Variants in ABHD12 observed in about 807,000 individuals in gnomAD.
ABHD12 encodes the protein abhydrolase domain containing 12, lysophospholipase, also known as lysophosphatidylserine lipase ABHD12.
ABHD12 carries 43 observed loss-of-function variants against 58.3 expected under a neutral mutation model. That is an observed-to-expected ratio of 0.74 (90% CI 0.58 to 0.95). The LOEUF is 0.95. Among genes scored for constraint, ABHD12 ranks in the 40% least tolerant of loss-of-function variants. The probability of loss-of-function intolerance (pLI) is 0.00; values close to 1 mark genes in which losing one functional copy is unlikely to be tolerated. For missense variants in ABHD12, 539 were observed against 537.2 expected (o/e 1.00, Z -0.03); for synonymous variants, 219 against 211.2 (o/e 1.04, Z -0.32).
chr20:25,360,194 C>T (rs974570008), intron 1 of ABHD12, among the ~76,000 whole-genome samples: 5 of 130,472 alleles, frequency 3.8e-5, no homozygotes, highest in Non-Finnish European at 4.8e-5. Context: ...AGCAATTCTT[C>T]ACTGTGTTTA....
intron 3 of ABHD12, among the ~76,000 whole-genome samples, chr20:25,323,046 T>C (rs1439304569): frequency 1.3e-5 from 2 of 152,228 alleles, no homozygotes; most frequent in Non-Finnish European, 1.5e-5. Flanking sequence ...TCTAGCTTCT[T>C]TGTTTGCTTT....
chr20:25,365,082 G>C (rs2089801291), intron 1 of ABHD12, among the ~76,000 whole-genome samples: 1 of 152,180 alleles, frequency 6.6e-6, no homozygotes, highest in South Asian at 2.1e-4. Context: ...GCTGGCTGCT[G>C]GTACAGCACC....
At chr20:25,382,892 A>G (rs1473216917) in intron 1 of ABHD12, among the ~76,000 whole-genome samples, 1 of 152,156 alleles carries the variant, frequency 6.6e-6, no homozygotes, top group Non-Finnish European at 1.5e-5. Flanking sequence ...GGAGTGCAGC[A>G]TTGATAAGGT....
At chr20:25,358,929 A>T (rs1329403545) in intron 1 of ABHD12, among the ~76,000 whole-genome samples, 1 of 152,196 alleles carries the variant, frequency 6.6e-6, no homozygotes, top group Non-Finnish European at 1.5e-5. Flanking sequence ...ATCATATGTG[A>T]AAATGCAAAA....
chr20:25,346,745 C>T (rs1160922875), intron 1 of ABHD12, among the ~76,000 whole-genome samples: 1 of 106,380 alleles, frequency 9.4e-6, no homozygotes, highest in Non-Finnish European at 2.1e-5. Context: ...CCTGGGTTCA[C>T]ACCATTCTCC....
At chr20:25,358,030 A>C (rs975712106) in intron 1 of ABHD12, among the ~76,000 whole-genome samples, 8 of 152,082 alleles carry the variant, frequency 5.3e-5, no homozygotes, top group Non-Finnish European at 7.4e-5. Context: ...AATAATAATA[A>C]TACCATCTAA....
At chr20:25,371,371 T>G (rs1315331357) in intron 1 of ABHD12, among the ~76,000 whole-genome samples, 2 of 152,170 alleles carry the variant, frequency 1.3e-5, no homozygotes, top group African/African-American at 2.4e-5. Flanking sequence ...CAGGCTCTAA[T>G]GCACAGAAAT....
intron 4 of ABHD12, among the ~76,000 whole-genome samples, chr20:25,318,861 T>A (rs962547059): frequency 4.6e-5 from 7 of 152,176 alleles, no homozygotes; most frequent in Admixed American, 4.6e-4. Flanking sequence ...TGCATGATTC[T>A]GTAGCTAGAC....
chr20:25,388,818 C>T (rs1213253104), intron 1 of ABHD12, among the ~76,000 whole-genome samples: 1 of 116,094 alleles, frequency 8.6e-6, no homozygotes, highest in Non-Finnish European at 1.8e-5. Flanking sequence ...GACGGAGTTC[C>T]GTTCTTGTTG....
chr20:25,349,083 CA>C (rs61219186), intron 1 of ABHD12, among the ~76,000 whole-genome samples: 229 of 61,658 alleles, frequency 3.7e-3, no homozygotes, highest in Middle Eastern at 8.6e-3. Context: ...GACTCCGTCT[CA>C]AAAAAAAAAA....
rs183774691 is a variant in ABHD12 at position 25,359,348 on chromosome 20, C to T, written c.192-19997G>A. 4.2e-3 allele frequency among the ~76,000 whole-genome samples: 587 copies of T among 138,622 alleles called. 6 individuals carry two copies. Among genetic ancestry groups the T allele is most frequent in the African/African-American group, 0.015 (547 of 37,488 alleles). 90.9% of individuals were successfully genotyped at this position (138,622 alleles called of 152,430 possible). Reference sequence around the variant, plus strand: ...CTGAGGCAAGAGAATGGCGTGAACCCGGGAGGCGGAGCTTGCAGTGAGCCG... The same window carrying T: ...CTGAGGCAAGAGAATGGCGTGAACCTGGGAGGCGGAGCTTGCAGTGAGCCG... On this transcript the variant is annotated intron_variant, in intron 1 of 12. Transcript: ENST00000339157.
chr20:25,295,265 GCTCTC>G (rs1335301635), downstream of ABHD12, among the ~76,000 whole-genome samples: 1 of 152,262 alleles, frequency 6.6e-6, no homozygotes, highest in African/African-American at 2.4e-5. Context: ...GGCGCCATGG[GCTCTC>G]CACTGTCTGC....
intron 1 of ABHD12, among the ~76,000 whole-genome samples, chr20:25,382,614 G>A (rs746200009): frequency 1.5e-4 from 23 of 152,168 alleles, no homozygotes; most frequent in Non-Finnish European, 3.1e-4. Context: ...ATCGCTGTTA[G>A]CACAAACCTG....
intron 1 of ABHD12, among the ~76,000 whole-genome samples, chr20:25,369,029 G>A (rs1247284319): frequency 6.6e-6 from 1 of 152,060 alleles, no homozygotes; most frequent in East Asian, 1.9e-4. Flanking sequence ...AGGCTGAAGT[G>A]GGAAGACCGC....
intron 1 of ABHD12, among the ~76,000 whole-genome samples, chr20:25,369,643 A>C (rs1401104367): frequency 4.6e-5 from 7 of 152,258 alleles, no homozygotes; most frequent in African/African-American, 1.7e-4. Flanking sequence ...CAAGAGGGTA[A>C]GATCCCAAAC....
intron 1 of ABHD12, among the ~76,000 whole-genome samples, chr20:25,350,765 T>C (rs1379475056): frequency 1.3e-5 from 2 of 152,164 alleles, no homozygotes; most frequent in African/African-American, 4.8e-5. Context: ...TTAACAGAAT[T>C]ACAGCAAATG....
intron 1 of ABHD12, among the ~76,000 whole-genome samples, chr20:25,363,540 T>C (rs2089781161): frequency 6.6e-6 from 1 of 152,014 alleles, no homozygotes; most frequent in Admixed American, 6.6e-5. Flanking sequence ...CATTATAATG[T>C]TGGTTGATGA....
rs944541436 is a variant in ABHD12, at chr20:25,372,213, G to A, written c.191+18300C>T. On this transcript the variant is annotated intron_variant, in intron 1 of 12. Coordinates refer to ENST00000339157, the MANE Select transcript of ABHD12 (RefSeq NM_001042472.3). Reference sequence around the variant, plus strand: ...GGTCTGCTGATGATGAATTATCTCAGCCTCTTCTTTTTTTTTTTTTAAGAA... The same window carrying A: ...GGTCTGCTGATGATGAATTATCTCAACCTCTTCTTTTTTTTTTTTTAAGAA... 7.9e-5 allele frequency among the ~76,000 whole-genome samples: 12 copies of A among 151,358 alleles called. 1 individual carries two copies. The South Asian group carries it at 2.5e-3, about 32-fold the overall frequency.
In ABHD12 at chr20:25,390,582, C is replaced by G; in HGVS notation, c.122G>C (p.Arg41Pro). The change falls in exon 1 of 13, where the codon CGC becomes CCC. Residue 41 changes from arginine to proline, a missense_variant. Transcript: ENST00000339157. The stretch of plus-strand genomic sequence containing the variant: ...CTCAGCCGCCGCCGGGCCCGTCAGG[C>G]GTAGGTTCTGCTTCAGGCGGCAGTC... Reference protein sequence around the residue: ...DADCRLKQNLRLTGPAAAEPR... With the variant: ...DADCRLKQNLPLTGPAAAEPR... 6.8e-7 allele frequency: 1 copy of G among 1,477,648 alleles called. No homozygotes were observed. Among genetic ancestry groups the G allele is most frequent in the East Asian group, 3.0e-5 (1 of 32,926 alleles). 91.5% of individuals were successfully genotyped at this position (1,477,648 alleles called of 1,614,324 possible).
Sources: gnomAD v4.1 joint callset for allele counts (sites outside exome capture counted in the v4.1 genomes callset) on GRCh38, gnomAD v4.1.1 for gene constraint, MANE v1.5 for transcripts, NCBI Gene and HGNC (gene_info 2026-07-23, HGNC 2026-07-21) for gene names.